The following WRN variants were observed in gnomAD, a reference collection of about 807,000 sequenced individuals.
The protein encoded by WRN is WRN RecQ like helicase, also known as bifunctional 3'-5' exonuclease/ATP-dependent helicase WRN.
WRN carries 149 observed loss-of-function variants against 180.7 expected under a neutral mutation model. That is an observed-to-expected ratio of 0.82 (90% confidence interval 0.72 to 0.94). WRN has a LOEUF of 0.94. WRN is among the 40% of genes least tolerant of loss of function. The pLI, the probability that WRN is intolerant of heterozygous loss-of-function variation, is 0.00. For synonymous variants in WRN, 548 were observed against 568.9 expected, an observed-to-expected ratio of 0.96 and a Z score of 0.52; for missense variants, 1,661 against 1,700.1, an observed-to-expected ratio of 0.98 and a Z score of 0.40.
chr8:31,156,679 A>G (rs772220651), intron 32 of WRN, among the ~76,000 whole-genome samples: 4 of 152,264 alleles, frequency 2.6e-5, no homozygotes, highest in Non-Finnish European at 5.9e-5. Context: ...GAGCTGAGTG[A>G]CAAAGCTTTC....
intron 33 of WRN, 23 bp from the exon 34 acceptor site, chr8:31,166,999 T>A (rs1452582338): frequency 3.1e-6 from 5 of 1,592,072 alleles, no homozygotes; most frequent in Non-Finnish European, 1.7e-6. Context: ...TATTTTGAAA[T>A]GGAGTTTTTT....
chr8:31,067,041 C>T lies in WRN; in HGVS notation c.513C>T (p.Cys171=), dbSNP rs1800389. The change falls in exon 6 of 35, where the codon TGC becomes TGT. Residue 171 remains cysteine (C), a synonymous_variant. Coordinates refer to ENST00000298139, the MANE Select transcript of WRN (RefSeq NM_000553.6). ...LTDVANKKLK[C]TETWSLNSLV... ...TTTTTCATCATTTCTAGCTGAAATG[C>T]ACAGAGACCTGGAGCCTTAACAGTC... 0.71 allele frequency: 1,142,661 copies of T among 1,612,846 alleles called. 407,280 individuals are homozygous for T. The highest frequency in any genetic ancestry group is 0.87 in the East Asian group (39,153 of 44,802).
intron 21 of WRN, 76 bp from the exon 22 acceptor site, chr8:31,124,445 TA>T (rs956180725): frequency 2.6e-6 from 3 of 1,137,680 alleles, no homozygotes; most frequent in Admixed American, 3.9e-5. Flanking sequence ...AAATAAACAG[TA>T]AAAAATAAGT....
chr8:31,058,745 A>G (rs1326905193), intron 2 of WRN, among the ~76,000 whole-genome samples: 2 of 151,966 alleles, frequency 1.3e-5, no homozygotes, highest in Admixed American at 6.6e-5. Flanking sequence ...CTTACTGTAT[A>G]TTTTCTCTTT....
At chr8:31,141,806 C>A (rs1585515201) in intron 26 of WRN, 31 bp downstream of exon 26, 1 of 1,594,900 alleles carries the variant, frequency 6.3e-7, no homozygotes, top group Non-Finnish European at 8.6e-7. Flanking sequence ...CTTGTAACTT[C>A]TGCATTTTTT....
At chr8:31,132,636 C>A in intron 24 of WRN, 130 bp downstream of exon 24, 1 of 1,289,766 alleles carries the variant, frequency 7.8e-7, no homozygotes, top group Non-Finnish European at 1.1e-6. Context: ...TAGAGTCTTA[C>A]TAAGTTCCAG....
At chr8:31,167,369 T>G (rs1803941949) in intron 34 of WRN, 139 bp downstream of exon 34, 1 of 756,518 alleles carries the variant, frequency 1.3e-6, no homozygotes, top group Admixed American at 2.7e-5. Flanking sequence ...TCCTTTGCTT[T>G]TCATAAATAT....
intron 18 of WRN, among the ~76,000 whole-genome samples, chr8:31,104,171 C>T (rs1312595809): frequency 6.6e-6 from 1 of 152,216 alleles, no homozygotes; most frequent in East Asian, 1.9e-4. Context: ...GTGGCTGTAG[C>T]ATTCTACATT....
chr8:31,073,601 G>A (rs1018185318), intron 7 of WRN, among the ~76,000 whole-genome samples: 5 of 152,244 alleles, frequency 3.3e-5, no homozygotes, highest in African/African-American at 7.2e-5. Flanking sequence ...ATTCAGATCC[G>A]ATGGTAGTTA....
At chr8:31,122,946 TA>T (rs1166984960) in intron 21 of WRN, among the ~76,000 whole-genome samples, 1 of 151,352 alleles carries the variant, frequency 6.6e-6, no homozygotes, top group African/African-American at 2.4e-5. Flanking sequence ...AACTGATTTT[TA>T]TCCCTTGAGG....
At chr8:31,134,142 GT>G (rs199806854) in intron 24 of WRN, among the ~76,000 whole-genome samples, 18 of 150,968 alleles carry the variant, frequency 1.2e-4, no homozygotes, top group African/African-American at 4.4e-4. Context: ...ATAAGGCATT[GT>G]TTTTTTTTCT....
At chr8:31,110,245 C>T (rs1367193919) in intron 18 of WRN, among the ~76,000 whole-genome samples, 2 of 152,122 alleles carry the variant, frequency 1.3e-5, no homozygotes, top group East Asian at 3.8e-4. Context: ...GAGAAACCAA[C>T]CTCTTTATAG....
intron 12 of WRN, 94 bp from the exon 13 acceptor site, chr8:31,088,796 A>G: frequency 9.6e-7 from 1 of 1,046,376 alleles, no homozygotes; most frequent in East Asian, 2.6e-5. Flanking sequence ...CTGTCACTGT[A>G]TTCTTTCAAA....
chr8:31,167,471 C>G (rs943517817), intron 34 of WRN, among the ~76,000 whole-genome samples: 7 of 152,034 alleles, frequency 4.6e-5, no homozygotes, highest in African/African-American at 1.2e-4. Context: ...TTAAATTTTA[C>G]CTGTACCTCA....
chr8:31,113,618 A>G (rs1347403135), intron 19 of WRN, among the ~76,000 whole-genome samples: 2 of 152,106 alleles, frequency 1.3e-5, no homozygotes, highest in Non-Finnish European at 2.9e-5. Context: ...CCCTTATAAT[A>G]ACACTCTCTA....
At chr8:31,043,173 T>G (rs1039816210) in intron 1 of WRN, among the ~76,000 whole-genome samples, 5 of 152,216 alleles carry the variant, frequency 3.3e-5, no homozygotes, top group African/African-American at 1.2e-4. Context: ...CAGGGTGGTT[T>G]CTTGTATGCT....
At chr8:31,126,370 TTAAA>T (rs1482804898) in intron 23 of WRN, among the ~76,000 whole-genome samples, 1 of 152,056 alleles carries the variant, frequency 6.6e-6, no homozygotes, top group Non-Finnish European at 1.5e-5. Context: ...ACCTTAGAAA[TTAAA>T]TAACACACTT....
At chr8:31,062,252 T>C (rs964544902) in intron 3 of WRN, among the ~76,000 whole-genome samples, 32 of 152,338 alleles carry the variant, frequency 2.1e-4, no homozygotes, top group Non-Finnish European at 2.8e-4. Context: ...TCCCTTGTTA[T>C]ATCATGTTGG....
Position 31,157,396 on chromosome 8 carries a change from C to T in WRN, c.3848C>T (p.Pro1283Leu). The T allele has an allele frequency of 6.2e-7, 1 of 1,614,058 alleles. No homozygotes were observed. ...AGCATAGCTGAGAGCAGGATTCTGC[C>T]TCTCATGACAATTGGCATGCACTTA... is the stretch of plus-strand genomic sequence containing the variant. ...LKSIAESRIL[P>L]LMTIGMHLSQ... The change falls in exon 33 of 35, where the codon CCT becomes CTT. Residue 1283 changes from proline to leucine, a missense_variant. Transcript: ENST00000298139.
Sources: allele counts gnomAD v4.1 joint callset (sites outside exome capture counted in the v4.1 genomes callset), GRCh38; gene constraint gnomAD v4.1.1; transcripts MANE v1.5; gene names NCBI Gene and HGNC (gene_info 2026-07-23, HGNC 2026-07-21).